Variants in GON4L observed in about 807,000 individuals in gnomAD.
The protein encoded by GON4L is gon-4 like.
A neutral mutation model predicts 211.8 loss-of-function variants in GON4L; 87 were observed. The observed-to-expected ratio is 0.41, with a 90% CI of 0.35 to 0.49. The LOEUF (loss-of-function observed/expected upper bound fraction) is 0.49. Ranked by LOEUF, GON4L falls within the 20% of genes least tolerant of loss-of-function variation. The probability of loss-of-function intolerance (pLI) is 0.15; values close to 1 mark genes in which losing one functional copy is unlikely to be tolerated. For missense variants in GON4L, 2,155 were observed against 2,659.5 expected, an observed-to-expected ratio of 0.81 and a Z score of 4.17; for synonymous variants, 875 against 962.6, an observed-to-expected ratio of 0.91 and a Z score of 1.68.
intron 11 of GON4L, among the ~76,000 whole-genome samples, chr1:155,804,320 G>C (rs755841983): frequency 2.0e-5 from 3 of 152,068 alleles, no homozygotes; most frequent in Non-Finnish European, 4.4e-5. Flanking sequence ...AGGCTACAGT[G>C]AGCTATGATC....
chr1:155,767,271 G>C, intron 20 of GON4L, 154 bp downstream of exon 20: 5 of 1,540,636 alleles, frequency 3.2e-6, no homozygotes, highest in Non-Finnish European at 4.4e-6. Flanking sequence ...CCCAGAGAAG[G>C]GCAGAAAAGT....
At chr1:155,787,251 C>T (rs906800957) in intron 12 of GON4L, among the ~76,000 whole-genome samples, 37 of 151,920 alleles carry the variant, frequency 2.4e-4, no homozygotes, top group Admixed American at 1.4e-3. Context: ...GAAAAGGTGA[C>T]GTGGCTTAAA....
In GON4L at chr1:155,766,506, G is replaced by A. The variant is rs1662500260; in HGVS notation, c.2967C>T (p.Pro989=). The A allele has an allele frequency of 1.2e-6, 2 of 1,613,986 alleles. No homozygotes were observed. Among genetic ancestry groups the A allele is most frequent in the African/African-American group, 2.7e-5 (2 of 74,904 alleles). ...LKLKPVATRF[P]RKAWRQKRSS... ...AACGCTTCTGTCTCCAAGCCTTCCT[G>A]GGGAAACGGGTGGCAACTGGCTTCA... The change falls in exon 21 of 32, where the codon CCC becomes CCT. Residue 989 remains proline (P), a synonymous_variant. Transcript: ENST00000368331.
intron 2 of GON4L, among the ~76,000 whole-genome samples, chr1:155,842,897 GA>G (rs1470982792): frequency 6.6e-6 from 1 of 152,004 alleles, no homozygotes; most frequent in African/African-American, 2.4e-5. Flanking sequence ...AACCAATATG[GA>G]AGGGCACCCA....
chr1:155,803,626 C>T (rs1666886003), intron 11 of GON4L, among the ~76,000 whole-genome samples: 1 of 152,192 alleles, frequency 6.6e-6, no homozygotes, highest in African/African-American at 2.4e-5. Flanking sequence ...TTTAGGGTCA[C>T]CACATACTTC....
Position 155,777,743 on chromosome 1 carries a change from T to C in GON4L, c.1970A>G (p.Lys657Arg). The C allele has an allele frequency of 6.2e-7, 1 of 1,611,220 alleles. No homozygotes were observed. The highest frequency in any genetic ancestry group is 2.2e-5 in the East Asian group (1 of 44,874). ...VKELFEQLKM[K>R]KSSAKQLQEV... is the part of the protein sequence containing the mutation. Reference sequence around the variant, plus strand: ...CTGCAGCTGTTTGGCTGAAGATTTCTTCATCTTCAGCTGTTCAAATAGCTC... The same window carrying C: ...CTGCAGCTGTTTGGCTGAAGATTTCCTCATCTTCAGCTGTTCAAATAGCTC... The change falls in exon 15 of 32, where the codon AAG becomes AGG. Residue 657 changes from lysine to arginine, a missense_variant. Physicochemically the swap from Lys to Arg is conservative, Grantham distance 26. This residue lies in a region of GON4L where 551 missense variants were observed against 854.0 expected (regional missense o/e 0.65). Coordinates refer to ENST00000368331, the MANE Select transcript of GON4L (RefSeq NM_001282860.2).
chr1:155,849,926 G>A (rs186009486), intron 2 of GON4L, among the ~76,000 whole-genome samples: 1 of 143,530 alleles, frequency 7.0e-6, no homozygotes, highest in Non-Finnish European at 1.5e-5. Context: ...CTTTTTTCCA[G>A]TAAAAACACC....
Position 155,804,944 on chromosome 1 carries a change from C to G in GON4L, c.1645+5G>C, listed in dbSNP as rs1667002203. ...ATACATAATAAATCACAAACCAAAA[C>G]TTACCTTCATTCCCCACATCATCAT... On this transcript the variant is annotated splice_donor_5th_base_variant and intron_variant, in intron 11 of 31. Coordinates refer to ENST00000368331, the MANE Select transcript of GON4L (RefSeq NM_001282860.2). 6.2e-7 allele frequency: 1 copy of G among 1,611,150 alleles called. No individual in the cohort carries two copies. Among genetic ancestry groups the G allele is most frequent in the Non-Finnish European group, 8.5e-7 (1 of 1,177,446 alleles).
At chr1:155,800,778 G>C (rs1352787625) in intron 11 of GON4L, among the ~76,000 whole-genome samples, 2 of 151,204 alleles carry the variant, frequency 1.3e-5, no homozygotes, top group Non-Finnish European at 2.9e-5. Flanking sequence ...CTTGAACCCG[G>C]GTGGAGGTTG....
chr1:155,826,288 G>A (rs375942337), intron 3 of GON4L, among the ~76,000 whole-genome samples: 5 of 152,012 alleles, frequency 3.3e-5, no homozygotes, highest in African/African-American at 1.2e-4. Context: ...CAACTGGCTA[G>A]GCGCAGTGGC....
intron 10 of GON4L, among the ~76,000 whole-genome samples, chr1:155,809,365 T>C (rs963835793): frequency 2.6e-5 from 4 of 151,988 alleles, no homozygotes; most frequent in African/African-American, 7.2e-5. Context: ...TTTTTCTGTC[T>C]TCTACACTGT....
Position 155,750,662 on chromosome 1 carries a change from ATCC to A in GON4L, c.6645_6647del (p.Glu2215del), listed in dbSNP as rs1660471368. ...CTGCATTGCTGGTACTGGTTGCATC[ATCC>A]TCATCCTCAGAGCTGGCTTCACAGG... On this transcript the variant is annotated inframe_deletion, in exon 32 of 32. Transcript: ENST00000368331. The A allele has an allele frequency of 6.3e-7, 1 of 1,581,428 alleles. No homozygotes were observed. The highest frequency in any genetic ancestry group is 1.3e-5 in the African/African-American group (1 of 74,234).
chr1:155,807,447 C>A (rs1218694666), intron 10 of GON4L, among the ~76,000 whole-genome samples: 2 of 151,904 alleles, frequency 1.3e-5, no homozygotes, highest in African/African-American at 2.4e-5. Flanking sequence ...GTGGCTCACA[C>A]CTGTAATCCC....
intron 21 of GON4L, 113 bp from the exon 22 acceptor site, chr1:155,763,677 G>T: frequency 1.1e-6 from 1 of 913,264 alleles, no homozygotes; most frequent in Non-Finnish European, 1.6e-6. Context: ...GCCCACTACA[G>T]CTGTCCTGAG....
intron 12 of GON4L, among the ~76,000 whole-genome samples, chr1:155,792,652 G>C (rs1359462678): frequency 2.0e-5 from 3 of 152,184 alleles, no homozygotes; most frequent in African/African-American, 7.2e-5. Context: ...CAATCAAAAA[G>C]GGAAGGCAAA....
downstream of GON4L, chr1:155,749,278 T>G: frequency 6.2e-7 from 1 of 1,605,456 alleles, no homozygotes; most frequent in Non-Finnish European, 8.5e-7. Context: ...TCTTAGTTTG[T>G]TATTCATGCT....
Position 155,822,457 on chromosome 1 carries a change from T to C in GON4L, c.717A>G (p.Glu239=). 1 of 1,613,478 alleles carries C rather than the reference T, an allele frequency of 6.2e-7. No individual in the cohort carries two copies. The highest frequency in any genetic ancestry group is 8.5e-7 in the Non-Finnish European group (1 of 1,179,570). The change falls in exon 4 of 32, where the codon GAA becomes GAG. Residue 239 remains glutamate (E), a synonymous_variant. Transcript: ENST00000368331. The part of the protein sequence containing the change: ...FIPMEEQDNE[E]SEKRRKKKKG... ...TTTTCTTTTTTCTCCTTTTCTCACT[T>C]TCTTCATTGTCTTGTTCTTCTGCAA...
At chr1:155,781,149 TA>T (rs1215442359) in intron 14 of GON4L, among the ~76,000 whole-genome samples, 3 of 151,558 alleles carry the variant, frequency 2.0e-5, no homozygotes, top group African/African-American at 7.3e-5. Flanking sequence ...TTATTACTAT[TA>T]TTTTTTTTTG....
chr1:155,788,510 G>C (rs541064648), intron 12 of GON4L, among the ~76,000 whole-genome samples: 1 of 152,236 alleles, frequency 6.6e-6, no homozygotes, highest in South Asian at 2.1e-4. Context: ...GAAAGAGAGA[G>C]AGAAATGAAG....
Sources: allele counts gnomAD v4.1 joint callset (sites outside exome capture counted in the v4.1 genomes callset), GRCh38; gene constraint gnomAD v4.1.1; regional missense constraint gnomAD v4.1.1; transcripts MANE v1.5; gene names NCBI Gene and HGNC (gene_info 2026-07-23, HGNC 2026-07-21).